BCOR: variants seen among roughly 807,000 people sequenced by gnomAD.
BCOR encodes BCL6 corepressor.
BCOR carries 10 observed loss-of-function variants against 86.7 expected under a neutral mutation model. The observed-to-expected ratio is 0.12, with a 90% CI of 0.07 to 0.20. The LOEUF (loss-of-function observed/expected upper bound fraction) is 0.20. BCOR is among the 10% of genes least tolerant of loss of function. The probability of loss-of-function intolerance (pLI) is 1.00; values close to 1 mark genes in which losing one functional copy is unlikely to be tolerated. For synonymous variants in BCOR, 611 were observed against 609.0 expected, an observed-to-expected ratio of 1.00 and a Z score of -0.05; for missense variants, 1,259 against 1,452.1, an observed-to-expected ratio of 0.87 and a Z score of 2.16.
At chrX:40,054,419 T>C in intron 12 of BCOR, 86 bp from the exon 13 acceptor site, 11 of 715,151 alleles carry the variant, frequency 1.5e-5, no homozygotes, top group South Asian at 1.4e-4. Flanking sequence ...TTTTTTCCTA[T>C]ACATTCATGA....
At chrX:40,121,262 G>A (rs975173822) in intron 1 of BCOR, among the ~76,000 whole-genome samples, 1 of 111,306 alleles carries the variant, frequency 9.0e-6, no homozygotes, top group African/African-American at 3.3e-5. Flanking sequence ...ACATCCAGCC[G>A]TTGCCACCGG....
intron 12 of BCOR, among the ~76,000 whole-genome samples, chrX:40,054,959 A>G (rs1188662382): frequency 2.7e-5 from 3 of 112,521 alleles, no homozygotes; most frequent in African/African-American, 9.7e-5. Flanking sequence ...CCTGACACTC[A>G]TGAAAACCTT....
intron 14 of BCOR, 167 bp downstream of exon 14, chrX:40,053,719 G>T: frequency 1.8e-6 from 1 of 570,737 alleles, no homozygotes; most frequent in Non-Finnish European, 2.9e-6. Flanking sequence ...GTGTAAGGAA[G>T]CTGATGTGTA....
At chrX:40,085,682 C>T (rs188084857) in intron 1 of BCOR, among the ~76,000 whole-genome samples, 316 of 111,974 alleles carry the variant, frequency 2.8e-3, no homozygotes, top group Non-Finnish European at 4.9e-3. Flanking sequence ...AAATGATCTT[C>T]CAAAACCCAA....
chrX:40,147,649 G>A (rs993251794), intron 1 of BCOR, among the ~76,000 whole-genome samples: 1 of 113,369 alleles, frequency 8.8e-6, no homozygotes, highest in Non-Finnish European at 1.9e-5. Flanking sequence ...AGACTGGCGA[G>A]GACAGGCGAG....
At chrX:40,108,068 C>G (rs1937227648) in intron 1 of BCOR, among the ~76,000 whole-genome samples, 1 of 112,948 alleles carries the variant, frequency 8.9e-6, no homozygotes, top group African/African-American at 3.2e-5. Flanking sequence ...AATGGTCCAC[C>G]ACTTGGGCCC....
chrX:40,104,655 G>A (rs1442307537), intron 1 of BCOR, among the ~76,000 whole-genome samples: 1 of 111,225 alleles, frequency 9.0e-6, no homozygotes, highest in East Asian at 2.9e-4. Flanking sequence ...CGTGGCGTCC[G>A]GCACATGCCA....
chrX:40,082,190 G>A (rs1936136004), intron 1 of BCOR, among the ~76,000 whole-genome samples: 1 of 111,550 alleles, frequency 9.0e-6, no homozygotes, highest in East Asian at 2.8e-4. Flanking sequence ...AAGATGTGAG[G>A]GCAGACCACA....
intron 1 of BCOR, among the ~76,000 whole-genome samples, chrX:40,144,925 T>C (rs1458584647): frequency 9.0e-6 from 1 of 110,818 alleles, no homozygotes; most frequent in Non-Finnish European, 1.9e-5. Context: ...GTCGACAAAT[T>C]TGAAACATCT....
In BCOR at chrX:40,064,410, C is replaced by T; in HGVS notation, c.3428G>A (p.Ser1143Asn). ...DRKRKVSGDS[S>N]HTETTAEEVP... ...CTCCTCCGCAGTGGTCTCAGTGTGG[C>T]TGCTGTCACCTGAGACTTTGCGTTT... Residue 1143 changes from serine to asparagine, a missense_variant, in exon 7 of 15, where the codon AGC becomes AAC. By Grantham distance (46) the Ser-to-Asn change is conservative. Transcript: ENST00000378444. The T allele has an allele frequency of 8.2e-7, 1 of 1,212,162 alleles. No homozygotes were observed. Among genetic ancestry groups the T allele is most frequent in the Non-Finnish European group, 1.1e-6 (1 of 895,443 alleles).
chrX:40,062,497 C>A, intron 9 of BCOR, 104 bp from the exon 10 acceptor site: 2 of 1,013,200 alleles, frequency 2.0e-6, no homozygotes, highest in Non-Finnish European at 2.7e-6. Context: ...GAGAGAGGCA[C>A]TTTATTCCTT....
intron 1 of BCOR, among the ~76,000 whole-genome samples, chrX:40,152,471 C>A (rs2147990167): frequency 8.9e-6 from 1 of 112,411 alleles, no homozygotes; most frequent in South Asian, 3.6e-4. Flanking sequence ...GAGCTGGCAG[C>A]CAGCGGGTGC....
intron 12 of BCOR, among the ~76,000 whole-genome samples, chrX:40,054,773 G>C (rs1934508976): frequency 8.9e-6 from 1 of 112,803 alleles, no homozygotes; most frequent in Admixed American, 9.4e-5. Flanking sequence ...AAAGTGCTGG[G>C]ATTACAGGCG....
chrX:40,171,918 C>A (rs931475770), intron 1 of BCOR, among the ~76,000 whole-genome samples: 2 of 112,810 alleles, frequency 1.8e-5, no homozygotes, highest in Non-Finnish European at 3.8e-5. Flanking sequence ...CTCTCTCCCT[C>A]GGCTCGGCGG....
At chrX:40,172,928 G>T (rs939294383) in intron 1 of BCOR, among the ~76,000 whole-genome samples, 11 of 112,968 alleles carry the variant, frequency 9.7e-5, no homozygotes, top group Non-Finnish European at 1.7e-4. Context: ...CGTGACCGCC[G>T]GATGCTATGC....
rs1467072468 is a variant in BCOR, at chrX:40,062,166, C to A, written c.4401G>T (p.Leu1467=). The change falls in exon 10 of 15, where the codon CTG becomes CTT. Residue 1467 remains leucine, a synonymous_variant. Coordinates refer to ENST00000378444, the MANE Select transcript of BCOR (RefSeq NM_001123385.2). Reference sequence around the variant, plus strand: ...CATAGCCAAGCCTGGCTGCCCGCTGCAGAAGGGTCTCGCCAGCGTTCTTAT... The same window carrying A: ...CATAGCCAAGCCTGGCTGCCCGCTGAAGAAGGGTCTCGCCAGCGTTCTTAT... ...IVNKNAGETL[L]QRAARLGYEE... 1 of 1,204,629 alleles carries A rather than the reference C, an allele frequency of 8.3e-7. No individual in the cohort carries two copies. The highest frequency in any genetic ancestry group is 2.2e-5 in the Admixed American group (1 of 45,341).
At chrX:40,099,311 G>T (rs1177432160), upstream of BCOR, among the ~76,000 whole-genome samples, 1 of 112,057 alleles carries the variant, frequency 8.9e-6, no homozygotes, top group Non-Finnish European at 1.9e-5. Flanking sequence ...AGAAGCCCTA[G>T]TTGGTGAAGC....
chrX:40,069,073 C>A (rs923989873), intron 6 of BCOR, among the ~76,000 whole-genome samples: 3 of 112,581 alleles, frequency 2.7e-5, no homozygotes, highest in East Asian at 2.8e-4. Context: ...CATGAAGAGA[C>A]GTGATGGCCG....
At chrX:40,094,368 G>A (rs1411011175) in intron 1 of BCOR, among the ~76,000 whole-genome samples, 1 of 112,675 alleles carries the variant, frequency 8.9e-6, no homozygotes, top group Admixed American at 9.3e-5. Flanking sequence ...CGGCCCGCAC[G>A]GTTCACGGCG....
Sources: allele counts gnomAD v4.1 joint callset (sites outside exome capture counted in the v4.1 genomes callset), GRCh38; gene constraint gnomAD v4.1.1; transcripts MANE v1.5; gene names NCBI Gene and HGNC (gene_info 2026-07-23, HGNC 2026-07-21).